The following TEKT3 variants were observed in gnomAD, a reference collection of about 807,000 sequenced individuals.
TEKT3 encodes tektin-3.
A neutral mutation model predicts 49.8 loss-of-function variants in TEKT3; 49 were observed. The ratio of observed to expected loss-of-function variants is 0.98; its 90% CI spans 0.78 to 1.25. The LOEUF is 1.25. Among genes scored for constraint, TEKT3 ranks in the 50% most tolerant of loss-of-function variants. TEKT3 has a pLI of 0.00. For synonymous variants in TEKT3, 225 were observed against 237.2 expected (o/e 0.95, Z 0.47); for missense variants, 595 against 629.5 (o/e 0.95, Z 0.59).
rs1912157228 is a variant in TEKT3 at position 15,340,069 on chromosome 17, A to ATGTTTACAACAAAT, written c.-63-9_-63-8insATTTGTTGTAAACA. ...CAATTTCTTGGTATGTACCTAGAGA[A>ATGTTTACAACAAAT]ATGCAAATATGTTTACAATTAGAAT... On this transcript the variant is annotated splice_polypyrimidine_tract_variant and intron_variant, in intron 1 of 8. Coordinates refer to ENST00000395930, the MANE Select transcript of TEKT3 (RefSeq NM_031898.3). The ATGTTTACAACAAAT allele has an allele frequency of 1.3e-5, 2 of 152,192 alleles. No individual in the cohort carries two copies. The highest frequency in any genetic ancestry group is 2.9e-5 in the Non-Finnish European group (2 of 68,042). The allele number at this position is 152,192 out of a possible 1,614,324, so 9.4% of individuals were successfully genotyped here.
At chr17:15,326,637 C>G (rs1037001382) in intron 4 of TEKT3, among the ~76,000 whole-genome samples, 1 of 152,088 alleles carries the variant, frequency 6.6e-6, no homozygotes, top group Non-Finnish European at 1.5e-5. Flanking sequence ...TAGAAAGGGA[C>G]AGGCAATAGG....
At chr17:15,330,158 T>C (rs1380445549) in intron 3 of TEKT3, among the ~76,000 whole-genome samples, 1 of 152,134 alleles carries the variant, frequency 6.6e-6, no homozygotes, top group South Asian at 2.1e-4. Context: ...TGTCACTACA[T>C]CCTAAAAGGG....
At chr17:15,306,458 T>C (rs1217599606) in intron 8 of TEKT3, among the ~76,000 whole-genome samples, 1 of 151,114 alleles carries the variant, frequency 6.6e-6, no homozygotes, top group African/African-American at 2.4e-5. Context: ...GAAACAAAAG[T>C]AGGTTTTGTT....
At chr17:15,329,486 A>G (rs1320580572) in intron 3 of TEKT3, among the ~76,000 whole-genome samples, 2 of 152,248 alleles carry the variant, frequency 1.3e-5, no homozygotes, top group Non-Finnish European at 2.9e-5. Flanking sequence ...GATATTTTCA[A>G]TTCTTAAAGG....
At chr17:15,313,248 A>C (rs1259707072) in intron 6 of TEKT3, among the ~76,000 whole-genome samples, 1 of 152,242 alleles carries the variant, frequency 6.6e-6, no homozygotes, top group East Asian at 1.9e-4. Context: ...AGACAATGTT[A>C]CTGAAAAATC....
intron 8 of TEKT3, among the ~76,000 whole-genome samples, chr17:15,308,039 T>C (rs763878688): frequency 6.6e-6 from 1 of 152,208 alleles, no homozygotes; most frequent in Non-Finnish European, 1.5e-5. Context: ...ATATAGGAGC[T>C]GTGCTCGATG....
At chr17:15,337,366 A>T (rs1314600145) in intron 2 of TEKT3, among the ~76,000 whole-genome samples, 1 of 152,134 alleles carries the variant, frequency 6.6e-6, no homozygotes, top group Non-Finnish European at 1.5e-5. Flanking sequence ...TTATTCCAAG[A>T]GAAAAGAGAA....
chr17:15,310,854 CA>C (rs2150734849), intron 7 of TEKT3: 1 of 152,286 alleles, frequency 6.6e-6, no homozygotes, highest in East Asian at 1.9e-4. Flanking sequence ...ACGTCTTCTA[CA>C]ACCTGTCTTC....
chr17:15,334,003 T>C (rs972298962), intron 2 of TEKT3, among the ~76,000 whole-genome samples: 5 of 152,026 alleles, frequency 3.3e-5, no homozygotes, highest in Non-Finnish European at 7.4e-5. Flanking sequence ...GACCTTGTGA[T>C]CCACCCACCT....
At chr17:15,330,805 T>C (rs983019864) in intron 3 of TEKT3, among the ~76,000 whole-genome samples, 4 of 152,224 alleles carry the variant, frequency 2.6e-5, no homozygotes, top group African/African-American at 9.6e-5. Context: ...CCTCTTAAAG[T>C]GGTTGTTCTT....
chr17:15,332,515 C>T (rs1472949633), intron 2 of TEKT3, among the ~76,000 whole-genome samples: 2 of 152,144 alleles, frequency 1.3e-5, no homozygotes, highest in African/African-American at 2.4e-5. Flanking sequence ...GGCAACTCCC[C>T]GCCCCTGCCC....
rs1048472213 is a variant in TEKT3 at position 15,303,928 on chromosome 17, T to A, written c.*8A>T. 1 of 1,613,496 alleles carries A rather than the reference T, an allele frequency of 6.2e-7. No homozygotes were observed. The highest frequency in any genetic ancestry group is 1.7e-5 in the Admixed American group (1 of 60,002). ...TTAGGGGTATCAAAACCACACCCGGTGGGGTCCCTAGCAGAAGCCGACCAG... is the reference window on the plus strand; with the variant it reads ...TTAGGGGTATCAAAACCACACCCGGAGGGGTCCCTAGCAGAAGCCGACCAG... On this transcript the variant is annotated 3_prime_UTR_variant, in exon 9 of 9. Transcript: ENST00000395930.
At chr17:15,312,564 G>T in intron 6 of TEKT3, 83 bp from the exon 7 acceptor site, 1 of 1,250,710 alleles carries the variant, frequency 8.0e-7, no homozygotes, top group Non-Finnish European at 1.1e-6. Flanking sequence ...TATCCTGAGA[G>T]AGAGAAACCC....
intron 2 of TEKT3, among the ~76,000 whole-genome samples, chr17:15,334,934 C>A (rs1234047653): frequency 6.6e-6 from 1 of 152,188 alleles, no homozygotes; most frequent in Non-Finnish European, 1.5e-5. Flanking sequence ...TACCTCCAAC[C>A]ATGACAGAAT....
intron 3 of TEKT3, 148 bp from the exon 4 acceptor site, chr17:15,328,223 T>C: frequency 1.6e-6 from 1 of 629,830 alleles, no homozygotes. Context: ...TGAAACAGAC[T>C]GTAACAACTA....
intron 7 of TEKT3, among the ~76,000 whole-genome samples, chr17:15,310,417 G>T (rs950250092): frequency 2.0e-5 from 3 of 152,088 alleles, no homozygotes; most frequent in Admixed American, 6.5e-5. Context: ...TCTCTGTGGG[G>T]GTGATTAAGT....
intron 5 of TEKT3, among the ~76,000 whole-genome samples, chr17:15,316,919 A>T (rs1394974798): frequency 6.6e-6 from 1 of 152,150 alleles, no homozygotes; most frequent in Non-Finnish European, 1.5e-5. Context: ...TTAAGGCAGC[A>T]TCCCATCACC....
At chr17:15,330,872 C>A in intron 3 of TEKT3, 135 bp downstream of exon 3, 4 of 911,126 alleles carry the variant, frequency 4.4e-6, no homozygotes, top group South Asian at 3.9e-5. Context: ...TTGCTGAAAA[C>A]AGTCACAGAT....
At position 15,304,414 on chromosome 17, in the gene TEKT3, C is replaced by A. The variant is rs1007696182; in HGVS notation, c.1257-262G>T. On this transcript the variant is annotated intron_variant, in intron 8 of 8. Coordinates refer to ENST00000395930, the MANE Select transcript of TEKT3 (RefSeq NM_031898.3). The surrounding 1 kb of genome is among the most constrained non-coding windows in gnomAD (Gnocchi z 4.7). ...AAAAATATCTAGACCATTTTAAAAT[C>A]ATTATGCCAAGGCAATTCTATAGTT... 3.9e-5 allele frequency among the ~76,000 whole-genome samples: 6 copies of A among 152,134 alleles called. No homozygotes were observed. Among genetic ancestry groups the A allele is most frequent in the Non-Finnish European group, 7.4e-5 (5 of 68,026 alleles).
Sources: gnomAD v4.1 joint callset for allele counts (sites outside exome capture counted in the v4.1 genomes callset) on GRCh38, gnomAD v4.1.1 for gene constraint, Gnocchi (gnomAD v3.1) non-coding constraint, MANE v1.5 for transcripts, NCBI Gene and HGNC (gene_info 2026-07-23, HGNC 2026-07-21) for gene names.